Variants in AGBL4 observed in about 807,000 individuals in gnomAD.
AGBL4 encodes the protein AGBL carboxypeptidase 4.
AGBL4 carries 58 observed loss-of-function variants against 66.4 expected under a neutral mutation model. The ratio of observed to expected loss-of-function variants is 0.87; its 90% CI spans 0.71 to 1.09. The LOEUF is 1.09. Among genes scored for constraint, AGBL4 ranks in the 50% least tolerant of loss-of-function variants. AGBL4 has a pLI of 0.00. For missense variants in AGBL4, 579 were observed against 631.0 expected (o/e 0.92, Z 0.88); for synonymous variants, 234 against 222.9 (o/e 1.05, Z -0.44).
intron 11 of AGBL4, among the ~76,000 whole-genome samples, chr1:48,549,257 A>C (rs1303494505): frequency 6.6e-6 from 1 of 152,258 alleles, no homozygotes; most frequent in African/African-American, 2.4e-5. Context: ...GTAAAGCTAG[A>C]AGAAAAATGT....
intron 3 of AGBL4, among the ~76,000 whole-genome samples, chr1:49,474,104 C>T (rs1038235043): frequency 1.3e-5 from 2 of 151,914 alleles, no homozygotes; most frequent in Admixed American, 1.3e-4. Context: ...ACTTCCTTCG[C>T]TATTTGGGCT....
intron 5 of AGBL4, among the ~76,000 whole-genome samples, chr1:48,964,857 C>G (rs1194243641): frequency 3.9e-5 from 6 of 151,948 alleles, no homozygotes; most frequent in African/African-American, 1.5e-4. Flanking sequence ...AAACAGGTAT[C>G]TTTTTTCAAA....
At chr1:49,940,136 T>G (rs1654586901) in intron 1 of AGBL4, among the ~76,000 whole-genome samples, 1 of 152,034 alleles carries the variant, frequency 6.6e-6, no homozygotes, top group Non-Finnish European at 1.5e-5. Flanking sequence ...GAAATGCAAA[T>G]CAAAACCACT....
intron 5 of AGBL4, among the ~76,000 whole-genome samples, chr1:48,941,017 A>G (rs907706780): frequency 1.8e-4 from 28 of 152,170 alleles, no homozygotes; most frequent in African/African-American, 6.3e-4. Flanking sequence ...AAAAGAGAAA[A>G]AGAAGAAAGG....
At position 49,080,610 on chromosome 1, in the gene AGBL4, T is replaced by C. The variant is rs190517573; in HGVS notation, c.378-34810A>G. ...CCTTGGGGCAGGTGGAAGATAGAGA[T>C]AATGAAAAAAGTTAGAGAGAGGAAT... On this transcript the variant is annotated intron_variant, in intron 4 of 13. Transcript: ENST00000371839. Among the ~76,000 whole-genome samples the C allele has an allele frequency of 3.8e-4, 57 of 151,770 alleles. No homozygotes were observed. In the East Asian group the frequency reaches 0.011, roughly 28 times the overall value.
chr1:48,960,844 A>T (rs1207492533), intron 5 of AGBL4, among the ~76,000 whole-genome samples: 1 of 152,218 alleles, frequency 6.6e-6, no homozygotes, highest in Non-Finnish European at 1.5e-5. Flanking sequence ...ATTTTCTCAA[A>T]TTGCTATGGG....
intron 3 of AGBL4, among the ~76,000 whole-genome samples, chr1:49,532,536 G>T (rs564579565): frequency 6.6e-6 from 1 of 152,066 alleles, no homozygotes; most frequent in East Asian, 1.9e-4. Flanking sequence ...ATTTATAGTT[G>T]AATTATATAC....
intron 6 of AGBL4, among the ~76,000 whole-genome samples, chr1:48,778,926 C>CAGGGAGTT (rs1645214899): frequency 6.6e-6 from 1 of 152,124 alleles, no homozygotes; most frequent in African/African-American, 2.4e-5. Flanking sequence ...AAATGACCAC[C>CAGGGAGTT]ACTTGTCCTG....
At chr1:48,588,246 T>C (rs1644855433) in intron 10 of AGBL4, among the ~76,000 whole-genome samples, 1 of 152,198 alleles carries the variant, frequency 6.6e-6, no homozygotes, top group South Asian at 2.1e-4. Flanking sequence ...CCAGAATCAC[T>C]AGAGCATAGG....
chr1:48,632,488 C>T (rs1243686286), intron 9 of AGBL4, among the ~76,000 whole-genome samples: 1 of 152,206 alleles, frequency 6.6e-6, no homozygotes. Context: ...CTCCCCCAGG[C>T]TGCCCCTAAA....
At chr1:49,485,886 G>GAAGAATAC in intron 3 of AGBL4, among the ~76,000 whole-genome samples, 1 of 152,038 alleles carries the variant, frequency 6.6e-6, no homozygotes, top group South Asian at 2.1e-4. Flanking sequence ...TAGAAAAAAT[G>GAAGAATAC]AAGAATACCT....
At chr1:49,033,234 A>G (rs1039716257) in intron 5 of AGBL4, among the ~76,000 whole-genome samples, 1 of 152,076 alleles carries the variant, frequency 6.6e-6, no homozygotes, top group Non-Finnish European at 1.5e-5. Context: ...GGGAGCCAAA[A>G]CCACTACACT....
At chr1:48,553,650 A>G (rs114511920) in intron 11 of AGBL4, among the ~76,000 whole-genome samples, 1,672 of 152,200 alleles carry the variant, frequency 0.011, 27 homozygotes, top group African/African-American at 0.036. Context: ...CTACTGACAA[A>G]CTGTGTAAAT....
chr1:48,634,234 T>C (rs1188666261), intron 9 of AGBL4: 1 of 243,838 alleles, frequency 4.1e-6, no homozygotes, highest in Non-Finnish European at 7.9e-6. Flanking sequence ...CCCTGACAAA[T>C]ATGGATACAC....
chr1:48,659,229 AC>A (rs1249035406), intron 7 of AGBL4, among the ~76,000 whole-genome samples: 4 of 150,334 alleles, frequency 2.7e-5, no homozygotes, highest in Non-Finnish European at 5.9e-5. Context: ...GTCTCATTAA[AC>A]CCTCACAGCA....
chr1:49,775,907 T>A (rs11800910), intron 2 of AGBL4, among the ~76,000 whole-genome samples: 2 of 152,134 alleles, frequency 1.3e-5, no homozygotes, highest in African/African-American at 2.4e-5. Flanking sequence ...GAGATCTGGG[T>A]TCAAATCACA....
At chr1:48,710,929 C>CAAAAAAAAAAAAAAAAAAAA (rs1557895437) in intron 6 of AGBL4, among the ~76,000 whole-genome samples, 2 of 152,170 alleles carry the variant, frequency 1.3e-5, no homozygotes, top group African/African-American at 4.8e-5. Context: ...AGATCCAGCT[C>CAAAAAAAAAAAAAAAAAAAA]AGACATTACC....
chr1:48,896,386 T>C (rs1254983375), intron 5 of AGBL4, among the ~76,000 whole-genome samples: 24 of 152,232 alleles, frequency 1.6e-4, no homozygotes, highest in Admixed American at 1.4e-3. Context: ...AACTAATACC[T>C]ACCTGAGAAG....
intron 5 of AGBL4, among the ~76,000 whole-genome samples, chr1:48,897,411 G>A (rs1651623861): frequency 6.6e-6 from 1 of 152,122 alleles, no homozygotes; most frequent in Non-Finnish European, 1.5e-5. Context: ...CCGTATCTTG[G>A]CTATTGTGAA....
Sources: gnomAD v4.1 joint callset for allele counts (sites outside exome capture counted in the v4.1 genomes callset) on GRCh38, gnomAD v4.1.1 for gene constraint, MANE v1.5 for transcripts, NCBI Gene and HGNC (gene_info 2026-07-23, HGNC 2026-07-21) for gene names.